The following ALDH1A2 variants were observed in gnomAD, a reference collection of about 807,000 sequenced individuals.
ALDH1A2 encodes retinal dehydrogenase 2.
ALDH1A2 carries 27 observed loss-of-function variants against 60.3 expected under a neutral mutation model. That is an observed-to-expected ratio of 0.45 (90% CI 0.33 to 0.62). ALDH1A2 has a LOEUF of 0.62. Ranked by LOEUF, ALDH1A2 falls within the 20% of genes least tolerant of loss-of-function variation. The probability of loss-of-function intolerance (pLI) is 0.02; values close to 1 mark genes in which losing one functional copy is unlikely to be tolerated. For synonymous variants in ALDH1A2, 289 were observed against 232.4 expected (o/e 1.24, Z -2.21); for missense variants, 581 against 643.8 (o/e 0.90, Z 1.06).
At chr15:58,004,506 G>A (rs1017291646) in intron 4 of ALDH1A2, among the ~76,000 whole-genome samples, 2 of 151,550 alleles carry the variant, frequency 1.3e-5, no homozygotes, top group African/African-American at 4.8e-5. Flanking sequence ...CTCCCAATGT[G>A]TATTAGGTCT....
At chr15:58,046,981 A>G (rs917372240) in intron 1 of ALDH1A2, among the ~76,000 whole-genome samples, 1 of 152,058 alleles carries the variant, frequency 6.6e-6, no homozygotes, top group Non-Finnish European at 1.5e-5. Context: ...CTTACTAGCC[A>G]TACAGCCTGC....
At chr15:58,025,124 A>C (rs1284498025) in intron 1 of ALDH1A2, among the ~76,000 whole-genome samples, 2 of 152,126 alleles carry the variant, frequency 1.3e-5, no homozygotes, top group African/African-American at 2.4e-5. Flanking sequence ...GTACCTTGAG[A>C]AACTAGAAAA....
intron 11 of ALDH1A2, 129 bp downstream of exon 11, chr15:57,961,008 G>GTGTACCCCT: frequency 7.3e-7 from 1 of 1,373,944 alleles, no homozygotes; most frequent in Admixed American, 1.9e-5. Context: ...GCAGTAAGGA[G>GTGTACCCCT]TGTACCCCTT....
intron 4 of ALDH1A2, 111 bp downstream of exon 4, chr15:58,010,538 G>GT (rs1184111390): frequency 1.4e-6 from 2 of 1,428,490 alleles, no homozygotes; most frequent in Non-Finnish European, 1.9e-6. Context: ...TCTAACTGCT[G>GT]TAAGTGTGCT....
chr15:58,026,913 G>C (rs1431872422), intron 1 of ALDH1A2, among the ~76,000 whole-genome samples: 2 of 152,200 alleles, frequency 1.3e-5, no homozygotes, highest in African/African-American at 4.8e-5. Flanking sequence ...AAGCCCTACT[G>C]CCTCTCTAGA....
chr15:58,013,572 T>C (rs1016523922), intron 3 of ALDH1A2, among the ~76,000 whole-genome samples: 16 of 151,992 alleles, frequency 1.1e-4, no homozygotes, highest in African/African-American at 3.6e-4. Context: ...ACCAACATAG[T>C]GAAACCCCGT....
intron 4 of ALDH1A2, among the ~76,000 whole-genome samples, chr15:58,006,850 T>C (rs1460680970): frequency 1.1e-5 from 1 of 92,528 alleles, no homozygotes; most frequent in East Asian, 4.1e-4. Flanking sequence ...GCTTCAGCTC[T>C]CATATTGTTA....
chr15:57,966,031 A>G (rs1182791353), intron 7 of ALDH1A2, among the ~76,000 whole-genome samples: 7 of 152,260 alleles, frequency 4.6e-5, no homozygotes, highest in Admixed American at 3.3e-4. Flanking sequence ...ACTGGAAGAC[A>G]GCTTTAGTTT....
At chr15:57,998,240 A>G (rs1009948622) in intron 4 of ALDH1A2, among the ~76,000 whole-genome samples, 3 of 152,134 alleles carry the variant, frequency 2.0e-5, no homozygotes, top group Admixed American at 6.5e-5. Context: ...GCATTCAAAT[A>G]GGAAGAGAGA....
chr15:57,971,307 C>G (rs928250347), intron 7 of ALDH1A2, among the ~76,000 whole-genome samples: 2 of 152,200 alleles, frequency 1.3e-5, no homozygotes, highest in Non-Finnish European at 2.9e-5. Flanking sequence ...CTTCCCTACC[C>G]TCCCTACAGG....
intron 7 of ALDH1A2, among the ~76,000 whole-genome samples, chr15:57,985,691 T>A (rs1894675698): frequency 6.6e-6 from 1 of 152,198 alleles, no homozygotes; most frequent in African/African-American, 2.4e-5. Flanking sequence ...ATATTTACTA[T>A]GTATGTTTAC....
chr15:58,024,534 T>A (rs1318011162), intron 1 of ALDH1A2, among the ~76,000 whole-genome samples: 2 of 152,130 alleles, frequency 1.3e-5, no homozygotes, highest in Non-Finnish European at 2.9e-5. Context: ...AATATATATG[T>A]ATCAAACACT....
At chr15:57,958,207 C>T (rs1893598928) in intron 12 of ALDH1A2, among the ~76,000 whole-genome samples, 1 of 150,390 alleles carries the variant, frequency 6.6e-6, no homozygotes, top group Non-Finnish European at 1.5e-5. Context: ...CATGCGTGTA[C>T]ACGCACGCAC....
At chr15:57,994,949 A>C (rs1283867477) in intron 5 of ALDH1A2, 129 bp downstream of exon 5, 20 of 896,784 alleles carry the variant, frequency 2.2e-5, no homozygotes, top group Non-Finnish European at 2.3e-5. Context: ...AAGATATGTC[A>C]ACAACATGAG....
intron 7 of ALDH1A2, among the ~76,000 whole-genome samples, chr15:57,985,417 T>C (rs1447598926): frequency 6.6e-6 from 1 of 152,206 alleles, no homozygotes; most frequent in African/African-American, 2.4e-5. Context: ...TAACATTTGC[T>C]TACTGCTTAA....
chr15:58,014,081 A>G, intron 2 of ALDH1A2, 83 bp from the exon 3 acceptor site: 1 of 1,613,986 alleles, frequency 6.2e-7, no homozygotes, highest in Non-Finnish European at 8.5e-7. Context: ...AAAGTGAAGC[A>G]TGAGCATGTA....
intron 4 of ALDH1A2, among the ~76,000 whole-genome samples, chr15:58,005,945 C>T (rs1377939030): frequency 2.0e-5 from 3 of 151,884 alleles, no homozygotes; most frequent in Admixed American, 6.6e-5. Context: ...TGCCTACTAC[C>T]TAAAATTTAT....
chr15:57,962,068 T>G lies in ALDH1A2; in HGVS notation c.1195A>C (p.Ile399Leu). 6.2e-7 allele frequency: 1 copy of G among 1,614,196 alleles called. No individual in the cohort carries two copies. Among genetic ancestry groups the G allele is most frequent in the Non-Finnish European group, 8.5e-7 (1 of 1,180,026 alleles). The change falls in exon 10 of 13, where the codon ATT becomes CTT. Residue 399 changes from isoleucine to leucine, a missense_variant. Transcript: ENST00000249750. ...ACGTTGGAAAACACTGTGGGCTCAA[T>G]GAAAAACCCCTTTCGGCCCAGTCCT... ...GKGLGRKGFFIEPTVFSNVTD... is the reference protein window; with the variant it reads ...GKGLGRKGFFLEPTVFSNVTD...
intron 7 of ALDH1A2, among the ~76,000 whole-genome samples, chr15:57,989,882 C>T (rs1392082846): frequency 6.6e-6 from 1 of 151,502 alleles, no homozygotes; most frequent in Non-Finnish European, 1.5e-5. Flanking sequence ...TATTAAGGGC[C>T]GTTTGTATAA....
Sources: allele counts gnomAD v4.1 joint callset (sites outside exome capture counted in the v4.1 genomes callset), GRCh38; gene constraint gnomAD v4.1.1; transcripts MANE v1.5; gene names NCBI Gene and HGNC (gene_info 2026-07-23, HGNC 2026-07-21).